The following NUDCD3 variants were observed in gnomAD, a reference collection of about 807,000 sequenced individuals.
NUDCD3 encodes NudC domain containing 3.
In NUDCD3, 13 loss-of-function variants were observed where a neutral mutation model predicts 39.7. The observed-to-expected ratio is 0.33, with a 90% CI of 0.21 to 0.52. The LOEUF (loss-of-function observed/expected upper bound fraction) is 0.52. Among genes scored for constraint, NUDCD3 ranks in the 20% least tolerant of loss-of-function variants. The probability of loss-of-function intolerance (pLI) is 0.96; values close to 1 mark genes in which losing one functional copy is unlikely to be tolerated. For missense variants in NUDCD3, 453 were observed against 458.1 expected, an observed-to-expected ratio of 0.99 and a Z score of 0.10; for synonymous variants, 175 against 172.4, an observed-to-expected ratio of 1.02 and a Z score of -0.12.
intron 3 of NUDCD3, among the ~76,000 whole-genome samples, chr7:44,421,298 A>G (rs1331993072): frequency 6.8e-6 from 1 of 146,940 alleles, no homozygotes; most frequent in East Asian, 2.0e-4. Context: ...TGCGCCACTG[A>G]CTCCAGCATG....
intron 2 of NUDCD3, among the ~76,000 whole-genome samples, chr7:44,467,141 G>A (rs1436539399): frequency 6.6e-6 from 1 of 152,180 alleles, no homozygotes; most frequent in Non-Finnish European, 1.5e-5. Flanking sequence ...TACAGGGCCT[G>A]CTGAACCAGC....
At chr7:44,394,438 C>T (rs988603769) in intron 4 of NUDCD3, among the ~76,000 whole-genome samples, 2 of 152,188 alleles carry the variant, frequency 1.3e-5, no homozygotes, top group Admixed American at 1.3e-4. Flanking sequence ...CTTTACCAAG[C>T]TGATGCAATG....
At chr7:44,438,842 G>A (rs527494690) in intron 2 of NUDCD3, among the ~76,000 whole-genome samples, 2 of 152,298 alleles carry the variant, frequency 1.3e-5, no homozygotes, top group East Asian at 3.9e-4. Context: ...CACTATGCAG[G>A]TACGTGCATA....
In NUDCD3 at chr7:44,382,466, G is replaced by A. The variant is rs944528596; in HGVS notation, c.*3545C>T. ...CACTGTCCTCACCAGGACTGGCAGG[G>A]GAAGCCCCAGGGCTTTGTGACCCTG... is the stretch of plus-strand genomic sequence containing the variant. On this transcript the variant is annotated 3_prime_UTR_variant, in exon 6 of 6. Transcript: ENST00000355451. The A allele has an allele frequency of 1.3e-5, 2 of 152,234 alleles. No homozygotes were observed. Among genetic ancestry groups the A allele is most frequent in the African/African-American group, 4.8e-5 (2 of 41,456 alleles). The allele number at this position is 152,234 out of a possible 1,614,324, so 9.4% of individuals were successfully genotyped here.
At chr7:44,435,443 A>G (rs1024326063) in intron 2 of NUDCD3, among the ~76,000 whole-genome samples, 11 of 152,190 alleles carry the variant, frequency 7.2e-5, no homozygotes, top group African/African-American at 2.7e-4. Flanking sequence ...TAAATAAATA[A>G]AGTCCACAAT....
intron 1 of NUDCD3, among the ~76,000 whole-genome samples, chr7:44,488,438 G>A (rs902567283): frequency 6.6e-6 from 1 of 151,948 alleles, no homozygotes; most frequent in Non-Finnish European, 1.5e-5. Flanking sequence ...AGCATCTGCT[G>A]GAGACTGTTG....
rs142257577 is a variant in NUDCD3 at position 44,404,522 on chromosome 7, C to T, written c.704G>A (p.Arg235His). 26 of 1,613,852 alleles carry T rather than the reference C, an allele frequency of 1.6e-5. No homozygotes were observed. The highest frequency in any genetic ancestry group is 5.0e-5 in the Admixed American group (3 of 59,984). Residue 235 changes from arginine (R) to histidine (H), a missense_variant, in exon 4 of 6, where the codon CGC becomes CAC. Arg to His is a conservative substitution (Grantham distance 29). Coordinates refer to ENST00000355451, the MANE Select transcript of NUDCD3 (RefSeq NM_015332.4). ...GGTGAGCTTCCCTTCCATGAGGACG[C>T]GCTCCCCATTTTCCTCCAGCATGGC... ...RVAMLEENGE[R>H]VLMEGKLTHK...
chr7:44,439,776 C>G (rs758991713), intron 2 of NUDCD3, among the ~76,000 whole-genome samples: 2 of 151,852 alleles, frequency 1.3e-5, no homozygotes, highest in Non-Finnish European at 1.5e-5. Flanking sequence ...TTATAATGAA[C>G]AAATGAGGGA....
intron 3 of NUDCD3, among the ~76,000 whole-genome samples, chr7:44,415,330 C>T (rs1798999949): frequency 6.6e-6 from 1 of 152,086 alleles, no homozygotes; most frequent in East Asian, 1.9e-4. Flanking sequence ...TGTGGGTACA[C>T]TGAAGAGAGA....
At chr7:44,393,194 C>A (rs1333369227) in intron 4 of NUDCD3, among the ~76,000 whole-genome samples, 1 of 152,134 alleles carries the variant, frequency 6.6e-6, no homozygotes, top group East Asian at 1.9e-4. Flanking sequence ...AAACGACCAT[C>A]AAGAAACAAC....
chr7:44,417,551 T>C (rs1159443175), intron 3 of NUDCD3, among the ~76,000 whole-genome samples: 1 of 152,166 alleles, frequency 6.6e-6, no homozygotes, highest in Non-Finnish European at 1.5e-5. Flanking sequence ...AGAAGACAGA[T>C]AAAGGACCAG....
At chr7:44,402,811 T>C (rs1051509453) in intron 4 of NUDCD3, 2 of 419,120 alleles carry the variant, frequency 4.8e-6, no homozygotes, top group African/African-American at 2.0e-5. Flanking sequence ...ACGGGCTCAC[T>C]AGTGTAATAC....
Position 44,403,081 on chromosome 7 carries a change from G to A in NUDCD3, c.786+1359C>T, listed in dbSNP as rs150241024. On this transcript the variant is annotated intron_variant, in intron 4 of 5. Coordinates refer to ENST00000355451, the MANE Select transcript of NUDCD3 (RefSeq NM_015332.4). ...GGGTCAAAGGATGAGGAACTGAACT[G>A]CTGGGTGATGGGGTGATCTTCACAG... 6.6e-3 allele frequency among the ~76,000 whole-genome samples: 1,009 copies of A among 152,354 alleles called. 10 individuals carry two copies. The highest frequency in any genetic ancestry group is 0.023 in the African/African-American group (952 of 41,586).
rs747833019 is a variant in NUDCD3, at chr7:44,427,722, T to C, written c.510-19A>G. On this transcript the variant is annotated intron_variant, in intron 2 of 5. Transcript: ENST00000355451. ...CTGAATCCTGAGAAAGAATAAAAAA[T>C]GTGATCCCAGTCAGCCATGCCTGAG... 5.0e-6 allele frequency: 8 copies of C among 1,612,604 alleles called. No individual in the cohort carries two copies. The highest frequency in any genetic ancestry group is 6.8e-6 in the Non-Finnish European group (8 of 1,179,554).
chr7:44,386,209 C>G, intron 5 of NUDCD3, 88 bp from the exon 6 acceptor site: 1 of 1,420,654 alleles, frequency 7.0e-7, no homozygotes, highest in Non-Finnish European at 9.8e-7. Flanking sequence ...GGTAGAGAGC[C>G]TTCTTGCTTC....
intron 2 of NUDCD3, chr7:44,468,219 G>T (rs375938086): frequency 1.8e-5 from 28 of 1,598,232 alleles, no homozygotes; most frequent in Non-Finnish European, 2.2e-5. Context: ...TCCAAGAACC[G>T]CAAAGCCATC....
chr7:44,481,757 G>A (rs149994514), intron 2 of NUDCD3, among the ~76,000 whole-genome samples: 14 of 152,314 alleles, frequency 9.2e-5, no homozygotes, highest in Admixed American at 3.3e-4. Flanking sequence ...TAGACTGAAT[G>A]TTTGTGTCCC....
intron 2 of NUDCD3, among the ~76,000 whole-genome samples, chr7:44,453,237 C>T (rs1263208719): frequency 6.6e-6 from 1 of 151,988 alleles, no homozygotes; most frequent in Non-Finnish European, 1.5e-5. Flanking sequence ...CCTGTAATCC[C>T]GGCTACTCAG....
In NUDCD3 at chr7:44,473,825, CA is replaced by C. The variant is rs536968132; in HGVS notation, c.509+11142del. Among the ~76,000 whole-genome samples, 521 of 151,952 alleles carry C rather than the reference CA, an allele frequency of 3.4e-3. 4 individuals are homozygous for C. The highest frequency in any genetic ancestry group is 2.9e-3 in the Non-Finnish European group (197 of 67,946). ...CCAGCTAGTGGGAAATACAAACAAA[CA>C]ACTTGATTTACTTTACCAAATAAAT... On this transcript the variant is annotated intron_variant, in intron 2 of 5. Coordinates refer to ENST00000355451, the MANE Select transcript of NUDCD3 (RefSeq NM_015332.4).
Sources: allele counts gnomAD v4.1 joint callset (sites outside exome capture counted in the v4.1 genomes callset), GRCh38; gene constraint gnomAD v4.1.1; transcripts MANE v1.5; gene names NCBI Gene and HGNC (gene_info 2026-07-23, HGNC 2026-07-21).